The following TNRC18 variants were observed in gnomAD, a reference collection of about 807,000 sequenced individuals.
TNRC18 encodes trinucleotide repeat containing 18.
Under a neutral mutation model 226.7 loss-of-function variants are expected in TNRC18, and 69 were observed. The ratio of observed to expected loss-of-function variants is 0.30; its 90% CI spans 0.25 to 0.37. The LOEUF is 0.37. Ranked by LOEUF, TNRC18 falls within the 10% of genes least tolerant of loss-of-function variation. The pLI is 1.00. For missense variants in TNRC18, 4,754 were observed against 4,256.6 expected (o/e 1.12, Z -3.25); for synonymous variants, 2,449 against 1,927.6 (o/e 1.27, Z -7.09).
Position 5,332,832 on chromosome 7 carries a change from C to A in TNRC18, c.5937G>T (p.Glu1979Asp). Residue 1979 changes from glutamate to aspartate, a missense_variant, in exon 19 of 30, where the codon GAG (glutamate) becomes GAT (aspartate). Physicochemically the swap from Glu to Asp is conservative, Grantham distance 45. Coordinates refer to ENST00000430969, the MANE Select transcript of TNRC18 (RefSeq NM_001080495.3). ...CCTCGGGCCCCGCCTCGAAGCCAGG[C>A]TCCTTGGGGCCCCGCAGCTTCCGGG... ...RKARKLRGPK[E>D]PGFEAGPEAS... 2 of 1,506,848 alleles carry A rather than the reference C, an allele frequency of 1.3e-6. No individual in the cohort carries two copies. Among genetic ancestry groups the A allele is most frequent in the African/African-American group, 2.9e-5 (2 of 69,410 alleles). 93.3% of individuals were successfully genotyped at this position (1,506,848 alleles called of 1,614,324 possible).
Position 5,321,043 on chromosome 7 carries a change from G to T in TNRC18, c.6560+30C>A, listed in dbSNP as rs776253955. On this transcript the variant is annotated intron_variant, in intron 22 of 29. Coordinates refer to ENST00000430969, the MANE Select transcript of TNRC18 (RefSeq NM_001080495.3). ...ACACGGGGCGGGTATGGGACACGGG[G>T]CTCTGTGCCGGACCTCCCACCCCAC... is the stretch of plus-strand genomic sequence containing the variant. 2.7e-6 allele frequency: 4 copies of T among 1,470,180 alleles called. No individual in the cohort carries two copies. The East Asian group carries it at 7.5e-5, about 28-fold the overall frequency. The allele number at this position is 1,470,180 out of a possible 1,614,324, so 91.1% of individuals were successfully genotyped here.
intron 19 of TNRC18, among the ~76,000 whole-genome samples, chr7:5,328,209 ACT>A (rs538419203): frequency 6.7e-6 from 1 of 148,568 alleles, no homozygotes; most frequent in Non-Finnish European, 1.5e-5. Flanking sequence ...CAAGAGTGAG[ACT>A]CTGTCGCAAA....
intron 5 of TNRC18, 77 bp from the exon 6 acceptor site, chr7:5,378,101 C>G: frequency 8.0e-7 from 1 of 1,246,494 alleles, no homozygotes; most frequent in Non-Finnish European, 1.1e-6. Context: ...ACTGCCCTCA[C>G]CCCTCCCTGG....
At position 5,324,774 on chromosome 7, in the gene TNRC18, C is replaced by T. The variant is rs1788724961; in HGVS notation, c.6300+322G>A. Among the ~76,000 whole-genome samples, 1 of 152,180 alleles carries T rather than the reference C, an allele frequency of 6.6e-6. No individual in the cohort carries two copies. Among genetic ancestry groups the T allele is most frequent in the African/African-American group, 2.4e-5 (1 of 41,444 alleles). On this transcript the variant is annotated intron_variant, in intron 20 of 29. Transcript: ENST00000430969. The surrounding 1 kb of genome is among the most constrained non-coding windows in gnomAD (Gnocchi z 4.8). ...GGAGTGGACATGCCATCATCTGCCA[C>T]TCGGGCAGATTCACCCAAGCCTGAG... is the stretch of plus-strand genomic sequence containing the variant.
At chr7:5,393,472 G>A (rs1057440108) in intron 3 of TNRC18, among the ~76,000 whole-genome samples, 1 of 152,318 alleles carries the variant, frequency 6.6e-6, no homozygotes, top group East Asian at 1.9e-4. Context: ...CGCAGGATTC[G>A]GGATGACGGT....
intron 5 of TNRC18, among the ~76,000 whole-genome samples, chr7:5,381,341 C>T (rs1188456776): frequency 5.3e-5 from 8 of 152,174 alleles, no homozygotes; most frequent in Non-Finnish European, 8.8e-5. Context: ...GCCGGCCTCT[C>T]GAGGATGCCC....
At position 5,370,604 on chromosome 7, in the gene TNRC18, C is replaced by G; in HGVS notation, c.3990G>C (p.Gln1330His). The change falls in exon 11 of 30, where the codon CAG (glutamine) becomes CAC (histidine). Residue 1330 changes from glutamine (Q) to histidine (H), a missense_variant. Gln to His is a conservative substitution (Grantham distance 24). Coordinates refer to ENST00000430969, the MANE Select transcript of TNRC18 (RefSeq NM_001080495.3). ...TCFLEEASSD[Q>H]FLPSLEDPLA... ...GTGGGTCCTCCAGACTGGGCAGGAA[C>G]TGGTCAGAGCTTGCCTCTTCCAGGA... 6.2e-7 allele frequency: 1 copy of G among 1,613,388 alleles called. No individual in the cohort carries two copies. The highest frequency in any genetic ancestry group is 8.5e-7 in the Non-Finnish European group (1 of 1,179,798).
Position 5,378,428 on chromosome 7 carries a change from T to A in TNRC18, c.2153-404A>T, listed in dbSNP as rs191699332. Among the ~76,000 whole-genome samples, 436 of 151,612 alleles carry A rather than the reference T, an allele frequency of 2.9e-3. 1 individual carries two copies. Among genetic ancestry groups the A allele is most frequent in the South Asian group, 7.7e-3 (37 of 4,808 alleles). Reference sequence around the variant, plus strand: ...TTATTTTATTTTTATTTATTTATTTTTTTTTTTTGAGATGGAGTCTCGCTC... The same window carrying A: ...TTATTTTATTTTTATTTATTTATTTATTTTTTTTGAGATGGAGTCTCGCTC... On this transcript the variant is annotated intron_variant, in intron 5 of 29. Coordinates refer to ENST00000430969, the MANE Select transcript of TNRC18 (RefSeq NM_001080495.3).
intron 2 of TNRC18, among the ~76,000 whole-genome samples, chr7:5,397,561 A>T (rs763586881): frequency 4.6e-5 from 7 of 151,954 alleles, no homozygotes; most frequent in Non-Finnish European, 7.4e-5. Flanking sequence ...ATGGACACAC[A>T]ATCCCCACTC....
chr7:5,416,661 G>C (rs1782209037), intron 2 of TNRC18, among the ~76,000 whole-genome samples: 1 of 151,026 alleles, frequency 6.6e-6, no homozygotes, highest in African/African-American at 2.4e-5. Flanking sequence ...TTTAAGACCA[G>C]CCTGGCCAAC....
At position 5,388,229 on chromosome 7, in the gene TNRC18, T is replaced by C. The variant is rs1004168878; in HGVS notation, c.1595A>G (p.His532Arg). ...GGCGGCCTCCTCTTCGGCGCGGCTG[T>C]GGTGGTGCTGCGCGGCCAGCACGGC... ...QMAVLAAQHHHSRAEEEAAVV... is the reference protein window; with the variant it reads ...QMAVLAAQHHRSRAEEEAAVV... The change falls in exon 5 of 30, where the codon CAC becomes CGC. Residue 532 changes from histidine (H) to arginine (R), a missense_variant. Coordinates refer to ENST00000430969, the MANE Select transcript of TNRC18 (RefSeq NM_001080495.3). 3.7e-6 allele frequency: 6 copies of C among 1,602,510 alleles called. No individual in the cohort carries two copies. The highest frequency in any genetic ancestry group is 2.7e-5 in the African/African-American group (2 of 74,640).
intron 15 of TNRC18, among the ~76,000 whole-genome samples, chr7:5,357,833 G>C (rs749807145): frequency 6.6e-6 from 1 of 152,092 alleles, no homozygotes; most frequent in Non-Finnish European, 1.5e-5. Context: ...TCTGGGTATC[G>C]CAAGGTGCTT....
At chr7:5,328,180 T>A (rs903231659) in intron 19 of TNRC18, among the ~76,000 whole-genome samples, 16 of 151,424 alleles carry the variant, frequency 1.1e-4, no homozygotes, top group Admixed American at 3.3e-4. Flanking sequence ...GTTGCACCAC[T>A]GTACTCCAGC....
At chr7:5,322,184 A>C (rs933532361) in intron 21 of TNRC18, among the ~76,000 whole-genome samples, 1 of 151,934 alleles carries the variant, frequency 6.6e-6, no homozygotes, top group African/African-American at 2.4e-5. Flanking sequence ...AGGCTGAGGC[A>C]AAAGAATTGC....
intron 10 of TNRC18, among the ~76,000 whole-genome samples, chr7:5,372,562 A>G (rs1794270363): frequency 6.6e-6 from 1 of 152,118 alleles, no homozygotes; most frequent in African/African-American, 2.4e-5. Flanking sequence ...AAAAGAAAAA[A>G]AAATTAGCTG....
At chr7:5,392,282 G>T (rs4392805) in intron 3 of TNRC18, among the ~76,000 whole-genome samples, 128,561 of 152,072 alleles carry the variant, frequency 0.85, 54,946 homozygotes, top group East Asian at 1. Context: ...ATCAACATGG[G>T]GAAACCCCAT....
chr7:5,325,037 G>T (rs1053169351), intron 20 of TNRC18, 59 bp downstream of exon 20: 2 of 1,535,894 alleles, frequency 1.3e-6, no homozygotes, highest in South Asian at 2.4e-5. Context: ...CCCCTGCCCT[G>T]ACCACAGGAG....
intron 2 of TNRC18, among the ~76,000 whole-genome samples, chr7:5,418,949 G>C (rs564554990): frequency 8.9e-4 from 136 of 152,346 alleles, no homozygotes; most frequent in African/African-American, 3.2e-3. Flanking sequence ...GGGACAGCCA[G>C]AACCAGCACC....
intron 24 of TNRC18, among the ~76,000 whole-genome samples, chr7:5,319,438 T>A (rs1342235322): frequency 2.6e-5 from 4 of 152,204 alleles, no homozygotes; most frequent in Non-Finnish European, 4.4e-5. Flanking sequence ...CATTTGACTG[T>A]CTTTCTTGCC....
Sources: gnomAD v4.1 joint callset for allele counts (sites outside exome capture counted in the v4.1 genomes callset) on GRCh38, gnomAD v4.1.1 for gene constraint, Gnocchi (gnomAD v3.1) non-coding constraint, MANE v1.5 for transcripts, NCBI Gene and HGNC (gene_info 2026-07-23, HGNC 2026-07-21) for gene names.